The following GPC6 variants were observed in gnomAD, a reference collection of about 807,000 sequenced individuals.
The protein encoded by GPC6 is glypican 6, also known as glypican-6.
GPC6 carries 14 observed loss-of-function variants against 55.2 expected under a neutral mutation model. The ratio of observed to expected loss-of-function variants is 0.25; its 90% confidence interval spans 0.17 to 0.40. GPC6 has a LOEUF of 0.40. Among genes scored for constraint, GPC6 ranks in the 10% least tolerant of loss-of-function variants. The probability of loss-of-function intolerance (pLI) is 1.00; values close to 1 mark genes in which losing one functional copy is unlikely to be tolerated. For synonymous variants in GPC6, 278 were observed against 259.6 expected, an observed-to-expected ratio of 1.07 and a Z score of -0.68; for missense variants, 641 against 708.5, an observed-to-expected ratio of 0.90 and a Z score of 1.08.
chr13:93,824,901 A>G (rs748796074), intron 2 of GPC6, among the ~76,000 whole-genome samples: 4 of 152,112 alleles, frequency 2.6e-5, no homozygotes, highest in Admixed American at 2.0e-4. Context: ...TTAAGGCACT[A>G]TCATGTAACA....
At chr13:93,481,264 T>C (rs897580685) in intron 1 of GPC6, among the ~76,000 whole-genome samples, 3 of 152,206 alleles carry the variant, frequency 2.0e-5, no homozygotes, top group Admixed American at 1.3e-4. Flanking sequence ...AGATTTCTTA[T>C]TCATTTTTAA....
intron 4 of GPC6, among the ~76,000 whole-genome samples, chr13:94,283,650 A>G (rs1378186299): frequency 6.6e-6 from 1 of 152,172 alleles, no homozygotes; most frequent in African/African-American, 2.4e-5. Context: ...ATATATCTAA[A>G]TTTTATTTTC....
chr13:93,769,433 C>CAA lies in GPC6; in HGVS notation c.320-60707_320-60706dup, dbSNP rs11423382. On this transcript the variant is annotated intron_variant, in intron 2 of 8. Transcript: ENST00000377047. ...AGCTGTGAGTGGCTGCTGCACGTGA[C>CAA]AAAAAAAAAAAAAAAGACAGCCCCA... is the stretch of plus-strand genomic sequence containing the variant. Among the ~76,000 whole-genome samples the CAA allele has an allele frequency of 8.2e-3, 1,100 of 133,600 alleles. 6 individuals carry two copies. The highest frequency in any genetic ancestry group is 0.016 in the African/African-American group (567 of 35,002). 87.6% of individuals were successfully genotyped at this position (133,600 alleles called of 152,430 possible).
chr13:93,435,257 G>A (rs1241373975), intron 1 of GPC6, among the ~76,000 whole-genome samples: 1 of 151,920 alleles, frequency 6.6e-6, no homozygotes, highest in African/African-American at 2.4e-5. Flanking sequence ...TGGGACTACA[G>A]GCATGAGACA....
chr13:93,727,643 C>G (rs1039506071), intron 2 of GPC6, among the ~76,000 whole-genome samples: 2 of 152,156 alleles, frequency 1.3e-5, no homozygotes, highest in African/African-American at 4.8e-5. Flanking sequence ...ATGAAACCAG[C>G]CACAAACTGG....
chr13:93,659,792 TC>T (rs2139610766), intron 2 of GPC6, among the ~76,000 whole-genome samples: 1 of 152,202 alleles, frequency 6.6e-6, no homozygotes, highest in East Asian at 1.9e-4. Context: ...ATTTAGGTAA[TC>T]TAACTTCATT....
rs931461378 is a variant in GPC6, at chr13:93,273,660, AAAAC to A, written c.160+46059_160+46062del. Among the ~76,000 whole-genome samples the A allele has an allele frequency of 5.9e-5, 9 of 152,282 alleles. No homozygotes were observed. The South Asian group carries it at 6.2e-4, about 11-fold the overall frequency. ...GCGACAGAGCGAGACTCCGTCTCAA[AAAAC>A]AAACAAACAAACAAGTACTGTACAT... On this transcript the variant is annotated intron_variant, in intron 1 of 8. Coordinates refer to ENST00000377047, the MANE Select transcript of GPC6 (RefSeq NM_005708.5).
chr13:93,596,931 G>A (rs1877773352), intron 2 of GPC6, among the ~76,000 whole-genome samples: 1 of 144,542 alleles, frequency 6.9e-6, no homozygotes, highest in Admixed American at 7.1e-5. Context: ...ACCCAGGAAA[G>A]CTGATGGTAT....
At chr13:93,266,851 A>G (rs1055155901) in intron 1 of GPC6, among the ~76,000 whole-genome samples, 1 of 152,204 alleles carries the variant, frequency 6.6e-6, no homozygotes, top group African/African-American at 2.4e-5. Flanking sequence ...TTGCCACTCT[A>G]TAAGTAGTAA....
intron 1 of GPC6, among the ~76,000 whole-genome samples, chr13:93,258,331 G>T (rs1165799281): frequency 6.6e-6 from 1 of 152,152 alleles, no homozygotes; most frequent in Non-Finnish European, 1.5e-5. Flanking sequence ...TGGCCAAATG[G>T]CACTCATGGA....
chr13:93,495,783 G>A lies in GPC6; in HGVS notation c.161-49480G>A, dbSNP rs1245337566. On this transcript the variant is annotated intron_variant, in intron 1 of 8. Transcript: ENST00000377047. ...TGCAGGTCTGTTGGAATACCCTGCC[G>A]TGTGAGGTGTCAGTGTGCCCCTGCT... 6.9e-4 allele frequency among the ~76,000 whole-genome samples: 99 copies of A among 143,808 alleles called. 1 individual carries two copies. The highest frequency in any genetic ancestry group is 2.1e-3 in the Admixed American group (30 of 14,120). The allele number at this position is 143,808 out of a possible 152,430, so 94.3% of individuals were successfully genotyped here. A position where few individuals can be genotyped will look rare whatever the true frequency, so the allele number is the denominator to read the frequency against.
intron 4 of GPC6, among the ~76,000 whole-genome samples, chr13:94,284,581 C>T (rs923548340): frequency 2.0e-5 from 3 of 151,762 alleles, no homozygotes; most frequent in African/African-American, 7.3e-5. Flanking sequence ...CCAAAACACA[C>T]TATTTATGTC....
intron 3 of GPC6, among the ~76,000 whole-genome samples, chr13:93,954,551 C>T (rs149961311): frequency 1.2e-4 from 19 of 152,278 alleles, no homozygotes; most frequent in African/African-American, 4.6e-4. Context: ...CCAAGTTTTA[C>T]ATGCTTTGTT....
chr13:93,671,717 A>G (rs1051786730), intron 2 of GPC6, among the ~76,000 whole-genome samples: 3 of 152,026 alleles, frequency 2.0e-5, no homozygotes, highest in African/African-American at 7.2e-5. Context: ...TGGGGCTGTC[A>G]TCCTGCTAAC....
chr13:93,450,726 T>C, intron 1 of GPC6: 1 of 974,470 alleles, frequency 1.0e-6, no homozygotes, highest in Non-Finnish European at 1.2e-6. Flanking sequence ...AGTGGCTGTA[T>C]TTCATAAAAT....
intron 3 of GPC6, 187 bp downstream of exon 3, chr13:93,830,732 G>A: frequency 1.6e-6 from 1 of 612,280 alleles, no homozygotes; most frequent in Non-Finnish European, 2.8e-6. Context: ...TTGTGTGAGA[G>A]AGAACAGGAT....
intron 3 of GPC6, among the ~76,000 whole-genome samples, chr13:93,926,419 C>G (rs564497823): frequency 6.6e-6 from 1 of 152,158 alleles, no homozygotes; most frequent in South Asian, 2.1e-4. Flanking sequence ...GTAATGTGCC[C>G]CCATAATGTT....
intron 3 of GPC6, among the ~76,000 whole-genome samples, chr13:94,026,924 A>T (rs1251246010): frequency 2.0e-5 from 3 of 152,174 alleles, no homozygotes; most frequent in South Asian, 2.1e-4. Flanking sequence ...ACCTCCCATG[A>T]TGTGGGGATT....
chr13:94,001,519 T>C (rs1044099168), intron 3 of GPC6, among the ~76,000 whole-genome samples: 1 of 152,168 alleles, frequency 6.6e-6, no homozygotes, highest in Non-Finnish European at 1.5e-5. Context: ...TAGGCCTTAT[T>C]GATATTGTGC....
Sources: gnomAD v4.1 joint callset for allele counts (sites outside exome capture counted in the v4.1 genomes callset) on GRCh38, gnomAD v4.1.1 for gene constraint, MANE v1.5 for transcripts, NCBI Gene and HGNC (gene_info 2026-07-23, HGNC 2026-07-21) for gene names.